MIB2: variants seen among roughly 807,000 people sequenced by gnomAD.
MIB2 encodes the protein MIB E3 ubiquitin protein ligase 2, also known as E3 ubiquitin-protein ligase MIB2.
A neutral mutation model predicts 96.6 loss-of-function variants in MIB2; 78 were observed. The ratio of observed to expected loss-of-function variants is 0.81; its 90% CI spans 0.67 to 0.97. The LOEUF (loss-of-function observed/expected upper bound fraction) is 0.97, where lower values mean the gene tolerates loss of function less well. MIB2 is among the 50% of genes least tolerant of loss of function. The pLI is 0.00. For missense variants in MIB2, 1,543 were observed against 1,424.0 expected, an observed-to-expected ratio of 1.08 and a Z score of -1.35; for synonymous variants, 820 against 629.5, an observed-to-expected ratio of 1.30 and a Z score of -4.53.
At chr1:1,627,523 G>C (rs370296560) in intron 12 of MIB2, 79 bp downstream of exon 12, 1 of 1,497,932 alleles carries the variant, frequency 6.7e-7, no homozygotes, top group African/African-American at 1.5e-5. Context: ...CCCGGCCGGC[G>C]GGGCTGAGCC....
chr1:1,615,653 T>C lies in MIB2; in HGVS notation c.-130+20T>C. The stretch of plus-strand genomic sequence containing the variant: ...CTGATGGTGCGTGCGGGCGCGGATC[T>C]CCTCCCCTGGTCCTCCGCACCGTCC... On this transcript the variant is annotated intron_variant, in intron 1 of 19. Transcript: ENST00000355826. 6.4e-7 allele frequency: 1 copy of C among 1,570,158 alleles called. No individual in the cohort carries two copies. The highest frequency in any genetic ancestry group is 8.6e-7 in the Non-Finnish European group (1 of 1,161,994).
At position 1,626,698 on chromosome 1, in the gene MIB2, GAC is replaced by G; in HGVS notation, c.1025_1026del (p.Thr342SerfsTer87). 1 of 1,601,064 alleles carries G rather than the reference GAC, an allele frequency of 6.2e-7. No homozygotes were observed. The highest frequency in any genetic ancestry group is 8.5e-7 in the Non-Finnish European group (1 of 1,173,394). On this transcript the variant is annotated frameshift_variant, in exon 9 of 20. Transcript: ENST00000355826. LOFTEE classifies it high-confidence loss of function. The surrounding 1 kb of genome is among the most constrained non-coding windows in gnomAD (Gnocchi z 5.3). ...GDVVRVIGDL[D>X]TVKRLQAGHG... is the part of the protein sequence containing the mutation. Reference sequence around the variant, plus strand: ...CGTGGTCCGGGTCATCGGCGACCTTGACACAGTGAAGCGGCTGCAGGCTGGGC... The same window carrying G: ...CGTGGTCCGGGTCATCGGCGACCTTGACAGTGAAGCGGCTGCAGGCTGGGC...
intron 2 of MIB2, among the ~76,000 whole-genome samples, chr1:1,621,162 C>T (rs1644227296): frequency 6.6e-6 from 1 of 152,262 alleles, no homozygotes; most frequent in South Asian, 2.1e-4. Context: ...CAGCAGTGCA[C>T]CACCTGGGGG....
At chr1:1,630,157 A>AAC in intron 19 of MIB2, 135 bp from the exon 20 acceptor site, 2 of 150,622 alleles carry the variant, frequency 1.3e-5, no homozygotes, top group Non-Finnish European at 2.3e-5. Context: ...CAAATCACCC[A>AAC]CCCCGCCAGC....
Position 1,628,135 on chromosome 1 carries a change from G to A in MIB2, c.1797G>A (p.Gln599=). 6.2e-7 allele frequency: 1 copy of A among 1,613,438 alleles called. No homozygotes were observed. The highest frequency in any genetic ancestry group is 1.1e-5 in the South Asian group (1 of 91,086). The change falls in exon 14 of 20, where the codon CAG becomes CAA. Residue 599 remains glutamine (Q), a synonymous_variant. Transcript: ENST00000355826. The part of the protein sequence containing the change: ...PNIDVTATNS[Q]GFTLLHHASL... ...TCGATGTTACCGCCACCAACAGCCA[G>A]GGTTTCACCCTGCTGCACCATGCCT... is the stretch of plus-strand genomic sequence containing the variant.
chr1:1,623,747 G>A (rs1351683808), intron 3 of MIB2, 27 bp from the exon 4 acceptor site: 9 of 1,547,676 alleles, frequency 5.8e-6, no homozygotes, highest in Middle Eastern at 1.8e-4. Context: ...GGGCGGGAAC[G>A]CCCCTCTGAC....
In MIB2 at chr1:1,629,472, C is replaced by T; in HGVS notation, c.2469C>T (p.Ala823=). The change falls in exon 18 of 20, where the codon GCC becomes GCT. Residue 823 remains alanine (A), a synonymous_variant. Transcript: ENST00000355826. ...CCGTGACGAACCTGCACGTGGGCGC[C>T]GCGCCGGGGCCCGAGGCCGCTGAGT... The part of the protein sequence containing the change: ...PNTVTNLHVG[A]APGPEAAECL... 2 of 1,532,124 alleles carry T rather than the reference C, an allele frequency of 1.3e-6. No homozygotes were observed. The highest frequency in any genetic ancestry group is 1.7e-6 in the Non-Finnish European group (2 of 1,145,362). The allele number at this position is 1,532,124 out of a possible 1,614,324, so 94.9% of individuals were successfully genotyped here. A position where few individuals can be genotyped will look rare whatever the true frequency, so the allele number is the denominator to read the frequency against.
rs1468777616 is a variant in MIB2 at position 1,625,567 on chromosome 1, G to A, written c.886G>A (p.Val296Met). 7.6e-6 allele frequency: 12 copies of A among 1,576,238 alleles called. No individual in the cohort carries two copies. Among genetic ancestry groups the A allele is most frequent in the East Asian group, 2.3e-5 (1 of 42,670 alleles). Reference sequence around the variant, plus strand: ...ACAGTTTATCGGACAGACGGGCACCGTGCATCGTATCACGGACCGCGGGGA... The same window carrying A: ...ACAGTTTATCGGACAGACGGGCACCATGCATCGTATCACGGACCGCGGGGA... ...MAEFIGQTGT[V>M]HRITDRGDVR... The change falls in exon 8 of 20, where the codon GTG becomes ATG. Residue 296 changes from valine (V) to methionine (M), a missense_variant. Coordinates refer to ENST00000355826, the MANE Select transcript of MIB2 (RefSeq NM_001170687.4). The surrounding 1 kb of genome is among the most constrained non-coding windows in gnomAD (Gnocchi z 5.0).
chr1:1,615,038 AAAG>A (rs1643462175), upstream of MIB2: 2 of 168,452 alleles, frequency 1.2e-5, no homozygotes, highest in Admixed American at 1.3e-4. Context: ...AGAAAGAAAG[AAAG>A]AAATGAGAAA....
rs547983901 is a variant in MIB2 at position 1,630,315 on chromosome 1, G to A, written c.2653G>A (p.Ala885Thr). Residue 885 changes from alanine (A) to threonine (T), a missense_variant, in exon 20 of 20, where the codon GCC becomes ACC. Coordinates refer to ENST00000355826, the MANE Select transcript of MIB2 (RefSeq NM_001170687.4). ...RPDGSEVASA[A>T]PAPGPPRQLV... The stretch of plus-strand genomic sequence containing the variant: ...AGACGGCTCTGAGGTGGCGAGCGCC[G>A]CCCCCGCCCCCGGCCCGCCGCGCCA... 1.3e-6 allele frequency: 2 copies of A among 1,507,744 alleles called. No individual in the cohort carries two copies. Among genetic ancestry groups the A allele is most frequent in the African/African-American group, 1.5e-5 (1 of 67,282 alleles). The allele number at this position is 1,507,744 out of a possible 1,614,324, so 93.4% of individuals were successfully genotyped here. A position where few individuals can be genotyped will look rare whatever the true frequency, so the allele number is the denominator to read the frequency against.
At chr1:1,623,306 C>T (rs1198073250) in intron 2 of MIB2, 125 bp from the exon 3 acceptor site, 1 of 1,436,878 alleles carries the variant, frequency 7.0e-7, no homozygotes, top group East Asian at 2.7e-5. Context: ...CCTGCCTGCC[C>T]CGTTGGGCCT....
rs769823238 is a variant in MIB2 at position 1,627,310 on chromosome 1, C to G, written c.1389C>G (p.Asn463Lys). The G allele has an allele frequency of 1.1e-5, 17 of 1,613,078 alleles. No individual in the cohort carries two copies. Among genetic ancestry groups the G allele is most frequent in the Non-Finnish European group, 1.4e-5 (16 of 1,179,986 alleles). Residue 463 changes from asparagine to lysine, a missense_variant, in exon 12 of 20, where the codon AAC becomes AAG. Transcript: ENST00000355826. The stretch of plus-strand genomic sequence containing the variant: ...ACTCTTGGCAGGTGGACACCAAGAA[C>G]CAAGGCAGGACCGCTCTGCAAGTGG... Reference protein sequence around the residue: ...RRRPEQVDTKNQGRTALQVAA... With the variant: ...RRRPEQVDTKKQGRTALQVAA...
intron 2 of MIB2, chr1:1,623,095 T>C (rs1644408293): frequency 4.4e-6 from 2 of 458,958 alleles, no homozygotes; most frequent in South Asian, 6.5e-5. Context: ...AGCTCATTAA[T>C]TGGCTGTGGG....
chr1:1,626,256 G>T lies in MIB2; in HGVS notation c.973-394G>T. The T allele has an allele frequency of 3.8e-6, 1 of 261,418 alleles. No homozygotes were observed. Among genetic ancestry groups the T allele is most frequent in the Non-Finnish European group, 7.3e-6 (1 of 136,916 alleles). 16.2% of individuals were successfully genotyped at this position (261,418 alleles called of 1,614,324 possible). ...TGTAGAGTGAGTTCCCTGCATATGA[G>T]GGCTCAGGTGGGGCAGAGTGGGCCC... On this transcript the variant is annotated intron_variant, in intron 8 of 19. Coordinates refer to ENST00000355826, the MANE Select transcript of MIB2 (RefSeq NM_001170687.4). This position sits in a 1 kb window ranked among gnomAD's most constrained non-coding sequence, Gnocchi z 5.3.
Position 1,626,743 on chromosome 1 carries a change from G to C in MIB2, c.1066G>C (p.Asp356His), listed in dbSNP as rs542893068. The part of the protein sequence containing the change: ...LQAGHGEWTD[D>H]MAPALGRVGK... ...GGCTGGGCATGGCGAGTGGACGGACGACATGGCCCCTGTGAGTCCCCCTGC... is the reference window on the plus strand; with the variant it reads ...GGCTGGGCATGGCGAGTGGACGGACCACATGGCCCCTGTGAGTCCCCCTGC... Residue 356 changes from aspartate (D) to histidine (H), a missense_variant, in exon 9 of 20, where the codon GAC becomes CAC. Asp to His is a moderately conservative substitution (Grantham distance 81). Transcript: ENST00000355826. The surrounding 1 kb of genome is among the most constrained non-coding windows in gnomAD (Gnocchi z 5.3). 8.2e-6 allele frequency: 13 copies of C among 1,593,808 alleles called. No homozygotes were observed. In the East Asian group the frequency reaches 1.3e-4, roughly 17 times the overall value.
At chr1:1,623,327 C>T (rs1407678806) in intron 2 of MIB2, 104 bp from the exon 3 acceptor site, 54 of 1,493,780 alleles carry the variant, frequency 3.6e-5, no homozygotes, top group Non-Finnish European at 4.8e-5. Flanking sequence ...CTCTGCTCTC[C>T]CGCGGAGCCC....
intron 1 of MIB2, 151 bp downstream of exon 1, chr1:1,615,784 C>G: frequency 1.5e-6 from 2 of 1,336,564 alleles, no homozygotes; most frequent in Middle Eastern, 2.8e-4. Flanking sequence ...ACGGGATGGG[C>G]TGGGGCTGCG....
At chr1:1,623,210 C>G in intron 2 of MIB2, 1 of 721,430 alleles carries the variant, frequency 1.4e-6, no homozygotes, top group African/African-American at 1.9e-5. Flanking sequence ...GCAGTTCCCG[C>G]GCCAGGCTGG....
chr1:1,628,533 G>A lies in MIB2; in HGVS notation c.2013G>A (p.Pro671=), dbSNP rs532472569. 8.1e-6 allele frequency: 13 copies of A among 1,600,852 alleles called. No homozygotes were observed. The highest frequency in any genetic ancestry group is 1.7e-5 in the Admixed American group (1 of 59,686). The change falls in exon 16 of 20, where the codon CCG becomes CCA. Residue 671 remains proline, a synonymous_variant. Transcript: ENST00000355826. The stretch of plus-strand genomic sequence containing the variant: ...TGCGCAACCGGAAGCTGCAGTCCCC[G>A]CTGCATCTCGCCGTGCAACAGGCCC... ...VNVRNRKLQS[P]LHLAVQQAHV...
Sources: allele counts gnomAD v4.1 joint callset (sites outside exome capture counted in the v4.1 genomes callset), GRCh38; gene constraint gnomAD v4.1.1; non-coding constraint Gnocchi (gnomAD v3.1); transcripts MANE v1.5; gene names NCBI Gene and HGNC (gene_info 2026-07-23, HGNC 2026-07-21).